Variants in AGBL1 observed in about 807,000 individuals in gnomAD.
AGBL1 encodes the protein cytosolic carboxypeptidase 4.
A neutral mutation model predicts 118.9 loss-of-function variants in AGBL1; 130 were observed. The ratio of observed to expected loss-of-function variants is 1.09; its 90% CI spans 0.95 to 1.26. The LOEUF (loss-of-function observed/expected upper bound fraction) is 1.26. Ranked by LOEUF, AGBL1 falls within the 50% of genes most tolerant of loss-of-function variation. The pLI is 0.00. For synonymous variants in AGBL1, 555 were observed against 478.9 expected, an observed-to-expected ratio of 1.16 and a Z score of -2.08; for missense variants, 1,584 against 1,298.1, an observed-to-expected ratio of 1.22 and a Z score of -3.38.
chr15:86,660,478 C>T (rs898650486), intron 21 of AGBL1, among the ~76,000 whole-genome samples: 8 of 152,086 alleles, frequency 5.3e-5, no homozygotes, highest in East Asian at 1.9e-4. Context: ...TGGTAGGGGA[C>T]GTTTGCTCAA....
intron 15 of AGBL1, among the ~76,000 whole-genome samples, chr15:86,276,905 A>G (rs978489782): frequency 1.3e-5 from 2 of 152,188 alleles, no homozygotes; most frequent in African/African-American, 4.8e-5. Context: ...GTTTCACTTT[A>G]GAGATTTATC....
intron 21 of AGBL1, among the ~76,000 whole-genome samples, chr15:86,634,136 CTT>C (rs1325056647): frequency 6.6e-6 from 1 of 152,066 alleles, no homozygotes; most frequent in Non-Finnish European, 1.5e-5. Context: ...GGTGAAATCA[CTT>C]TGGAAAACAG....
At chr15:86,982,406 G>GTTT (rs142256504) in intron 23 of AGBL1, among the ~76,000 whole-genome samples, 7 of 141,150 alleles carry the variant, frequency 5.0e-5, no homozygotes, top group African/African-American at 1.8e-4. Flanking sequence ...CTTTTATCTT[G>GTTT]TTTTTTTTTT....
chr15:86,520,140 A>G (rs912216252), intron 18 of AGBL1, among the ~76,000 whole-genome samples: 2 of 152,200 alleles, frequency 1.3e-5, no homozygotes, highest in African/African-American at 2.4e-5. Context: ...AAAAATTAGG[A>G]TGAGGTAAGG....
At chr15:86,274,065 T>C (rs2079205138) in intron 15 of AGBL1, among the ~76,000 whole-genome samples, 2 of 152,206 alleles carry the variant, frequency 1.3e-5, no homozygotes, top group African/African-American at 2.4e-5. Flanking sequence ...TTTAAAAAAG[T>C]GTATATGCAT....
At chr15:86,727,058 G>C (rs868869002) in intron 22 of AGBL1, among the ~76,000 whole-genome samples, 1 of 152,178 alleles carries the variant, frequency 6.6e-6, no homozygotes, top group Non-Finnish European at 1.5e-5. Context: ...CCTTTGGACT[G>C]TGTTGTATCA....
chr15:86,155,329 A>G (rs545795414), intron 4 of AGBL1, among the ~76,000 whole-genome samples: 17 of 152,278 alleles, frequency 1.1e-4, no homozygotes, highest in African/African-American at 3.4e-4. Context: ...ATGTGCCTAT[A>G]GTCCCAGCTA....
intron 17 of AGBL1, among the ~76,000 whole-genome samples, chr15:86,361,021 T>C (rs952588859): frequency 6.6e-6 from 1 of 151,042 alleles, no homozygotes; most frequent in East Asian, 2.0e-4. Context: ...CTAATTTTGA[T>C]CTTTTTTAAA....
At chr15:86,516,949 C>A (rs1037199520) in intron 18 of AGBL1, among the ~76,000 whole-genome samples, 1 of 152,152 alleles carries the variant, frequency 6.6e-6, no homozygotes, top group Non-Finnish European at 1.5e-5. Flanking sequence ...GTCGTGTGAT[C>A]TTTTGAATTG....
rs879382916 is a variant in AGBL1 at position 86,080,935 on chromosome 15, G to T, written c.51+912G>T. ...GGGTCACAAGATGATGGGCTTGTGGGGGCGGGGGGGGGTCCATGACCCCAT... is the reference window on the plus strand; with the variant it reads ...GGGTCACAAGATGATGGGCTTGTGGTGGCGGGGGGGGGTCCATGACCCCAT... On this transcript the variant is annotated intron_variant, in intron 1 of 22. Coordinates refer to ENST00000614907, the MANE Select transcript of AGBL1 (RefSeq NM_001386094.1). Among the ~76,000 whole-genome samples, 1,458 of 151,508 alleles carry T rather than the reference G, an allele frequency of 9.6e-3. 8 individuals carry two copies. Among genetic ancestry groups the T allele is most frequent in the Non-Finnish European group, 0.015 (1,021 of 67,920 alleles).
intron 22 of AGBL1, among the ~76,000 whole-genome samples, chr15:86,675,970 T>G (rs1329348722): frequency 6.6e-6 from 1 of 152,200 alleles, no homozygotes; most frequent in East Asian, 1.9e-4. Context: ...GAATTTGATG[T>G]CAGGCTTCAA....
intron 5 of AGBL1, among the ~76,000 whole-genome samples, chr15:86,202,925 T>C (rs1007577789): frequency 5.9e-5 from 9 of 152,072 alleles, no homozygotes; most frequent in African/African-American, 2.2e-4. Context: ...TACTATTTAA[T>C]AATCACCATA....
intron 22 of AGBL1, among the ~76,000 whole-genome samples, chr15:86,689,905 C>T (rs1363990461): frequency 2.0e-5 from 3 of 152,108 alleles, no homozygotes; most frequent in African/African-American, 7.2e-5. Context: ...ACACGGTTCT[C>T]TATATGGGAA....
chr15:86,200,560 C>A (rs1034474283), intron 5 of AGBL1, among the ~76,000 whole-genome samples: 24 of 138,770 alleles, frequency 1.7e-4, no homozygotes, highest in Non-Finnish European at 3.0e-4. Context: ...ACCCCCCCCC[C>A]CCTTTTTTTT....
rs1230396051 is a variant in AGBL1, at chr15:86,748,996, C to CT, written c.3158+74566dup. Reference sequence around the variant, plus strand: ...TAGGATTGTCTTGGCAATGTGGGCTCTTTTTTGGTTCCATATGAACTTTGA... The same window carrying CT: ...TAGGATTGTCTTGGCAATGTGGGCTCTTTTTTTGGTTCCATATGAACTTTGA... On this transcript the variant is annotated intron_variant, in intron 22 of 22. Coordinates refer to ENST00000614907, the MANE Select transcript of AGBL1 (RefSeq NM_001386094.1). Among the ~76,000 whole-genome samples, 4 of 152,118 alleles carry CT rather than the reference C, an allele frequency of 2.6e-5. No homozygotes were observed. In the East Asian group the frequency reaches 5.8e-4, roughly 22 times the overall value.
At chr15:86,429,677 C>A (rs998551243) in intron 18 of AGBL1, among the ~76,000 whole-genome samples, 6 of 152,198 alleles carry the variant, frequency 3.9e-5, no homozygotes, top group African/African-American at 1.2e-4. Context: ...TGGATGAATA[C>A]AACCTTGAAC....
At chr15:86,478,675 T>C (rs970665361) in intron 18 of AGBL1, among the ~76,000 whole-genome samples, 1 of 152,166 alleles carries the variant, frequency 6.6e-6, no homozygotes, top group African/African-American at 2.4e-5. Context: ...ATTTATAGAT[T>C]CAATGCCATC....
chr15:86,548,501 T>C (rs1349538026), intron 20 of AGBL1, among the ~76,000 whole-genome samples: 2 of 152,136 alleles, frequency 1.3e-5, no homozygotes, highest in Non-Finnish European at 2.9e-5. Context: ...ATACAGATGA[T>C]AAATTGAGAA....
At chr15:86,402,997 A>C (rs116109949) in intron 18 of AGBL1, among the ~76,000 whole-genome samples, 1 of 152,170 alleles carries the variant, frequency 6.6e-6, no homozygotes. Context: ...GTTTCTTGAC[A>C]CTTAAAAATC....
Sources: gnomAD v4.1 joint callset for allele counts (sites outside exome capture counted in the v4.1 genomes callset) on GRCh38, gnomAD v4.1.1 for gene constraint, MANE v1.5 for transcripts, NCBI Gene and HGNC (gene_info 2026-07-23, HGNC 2026-07-21) for gene names.